The following DLG2 variants were observed in gnomAD, a reference collection of about 807,000 sequenced individuals.
DLG2 encodes the protein discs large MAGUK scaffold protein 2, also known as disks large homolog 2.
DLG2 carries 45 observed loss-of-function variants against 132.5 expected under a neutral mutation model. That is an observed-to-expected ratio of 0.34 (90% CI 0.27 to 0.44). DLG2 has a LOEUF of 0.44. Among genes scored for constraint, DLG2 ranks in the 20% least tolerant of loss-of-function variants. The pLI is 1.00. For missense variants in DLG2, 1,045 were observed against 1,196.9 expected (o/e 0.87, Z 1.87); for synonymous variants, 424 against 419.6 (o/e 1.01, Z -0.13).
At chr11:85,038,979 A>C (rs1275920745) in intron 6 of DLG2, among the ~76,000 whole-genome samples, 1 of 152,038 alleles carries the variant, frequency 6.6e-6, no homozygotes, top group African/African-American at 2.4e-5. Context: ...CTTCCATAAA[A>C]TTACTGTAAA....
In DLG2 at chr11:83,455,993, G is replaced by C. The variant is rs1231702722; in HGVS notation, c.*3825C>G. On this transcript the variant is annotated 3_prime_UTR_variant, in exon 28 of 28. Coordinates refer to ENST00000376104, the MANE Select transcript of DLG2 (RefSeq NM_001142699.3). ...CCAGCAAGTCCATTCAGTCTCACCA[G>C]AGCAATCACCAGCTGAAAAGCAGAG... The C allele has an allele frequency of 6.5e-6, 1 of 152,728 alleles. No homozygotes were observed. The highest frequency in any genetic ancestry group is 1.9e-4 in the East Asian group (1 of 5,190). 9.5% of individuals were successfully genotyped at this position (152,728 alleles called of 1,614,324 possible). A position where few individuals can be genotyped will look rare whatever the true frequency, so the allele number is the denominator to read the frequency against.
chr11:84,210,338 A>G (rs2096735577), intron 8 of DLG2, among the ~76,000 whole-genome samples: 1 of 143,190 alleles, frequency 7.0e-6, no homozygotes, highest in Admixed American at 7.5e-5. Flanking sequence ...TGTCCTGTAA[A>G]GATCACATGG....
intron 9 of DLG2, among the ~76,000 whole-genome samples, chr11:84,112,617 T>C (rs1275644215): frequency 6.6e-6 from 1 of 152,136 alleles, no homozygotes; most frequent in African/African-American, 2.4e-5. Flanking sequence ...TACTGTAGGT[T>C]CTCATTTGCT....
chr11:85,281,488 C>G (rs996349255), intron 4 of DLG2, among the ~76,000 whole-genome samples: 1 of 151,914 alleles, frequency 6.6e-6, no homozygotes, highest in African/African-American at 2.4e-5. Flanking sequence ...TTCAACAGAT[C>G]CAGGCAAAAG....
chr11:84,316,852 GC>G (rs2098362609), intron 7 of DLG2: 1 of 1,612,464 alleles, frequency 6.2e-7, no homozygotes, highest in South Asian at 1.1e-5. Context: ...AACCATGTGG[GC>G]AGGTACAATG....
chr11:84,161,586 C>T (rs554076921), intron 9 of DLG2, among the ~76,000 whole-genome samples: 1 of 152,260 alleles, frequency 6.6e-6, no homozygotes, highest in African/African-American at 2.4e-5. Flanking sequence ...AGTTGTCTGA[C>T]TCCTATTGAG....
At chr11:84,394,262 A>C (rs943242075) in intron 7 of DLG2, among the ~76,000 whole-genome samples, 1 of 151,696 alleles carries the variant, frequency 6.6e-6, no homozygotes, top group Non-Finnish European at 1.5e-5. Flanking sequence ...GCACTCTAGG[A>C]TCACTTTCCT....
intron 20 of DLG2, among the ~76,000 whole-genome samples, chr11:83,537,527 T>C (rs2095911564): frequency 6.6e-6 from 1 of 152,070 alleles, no homozygotes. Context: ...TAAGAGAGCA[T>C]GGGACAGCCA....
chr11:83,497,575 C>T (rs558709746), intron 21 of DLG2, among the ~76,000 whole-genome samples: 31 of 152,010 alleles, frequency 2.0e-4, no homozygotes, highest in Admixed American at 4.6e-4. Context: ...ACAAAACCCA[C>T]ATAGTTTCTT....
At chr11:85,583,789 C>G (rs545485222) in intron 3 of DLG2, among the ~76,000 whole-genome samples, 1 of 152,096 alleles carries the variant, frequency 6.6e-6, no homozygotes, top group African/African-American at 2.4e-5. Context: ...ATACCCAATA[C>G]CAAATTGGAA....
chr11:85,372,543 A>T (rs1398955018), intron 3 of DLG2, among the ~76,000 whole-genome samples: 1 of 152,234 alleles, frequency 6.6e-6, no homozygotes, highest in Non-Finnish European at 1.5e-5. Context: ...GTTAAAACAC[A>T]CAGTGCAGGT....
chr11:85,426,629 G>A (rs1035409971), intron 3 of DLG2, among the ~76,000 whole-genome samples: 3 of 152,030 alleles, frequency 2.0e-5, no homozygotes, highest in Admixed American at 6.6e-5. Flanking sequence ...CCATCTGTAC[G>A]TTACCATCAT....
At chr11:83,910,846 T>C (rs1341345139) in intron 15 of DLG2, among the ~76,000 whole-genome samples, 3 of 152,114 alleles carry the variant, frequency 2.0e-5, no homozygotes, top group African/African-American at 4.8e-5. Context: ...CACTGAACAT[T>C]TGAGAACCCA....
chr11:84,171,569 C>G (rs1454020), intron 8 of DLG2, among the ~76,000 whole-genome samples: 120,901 of 152,110 alleles, frequency 0.79, 48,377 homozygotes, highest in Middle Eastern at 0.89. Context: ...TTTTTTATGG[C>G]TGAATAGTAT....
At chr11:85,222,302 C>T (rs1174686914) in intron 4 of DLG2, among the ~76,000 whole-genome samples, 3 of 152,034 alleles carry the variant, frequency 2.0e-5, no homozygotes, top group Non-Finnish European at 4.4e-5. Flanking sequence ...ATAATATATC[C>T]TAAGTCATAG....
chr11:85,112,696 G>A (rs1264390169), intron 5 of DLG2, among the ~76,000 whole-genome samples: 2 of 152,000 alleles, frequency 1.3e-5, no homozygotes, highest in Non-Finnish European at 2.9e-5. Flanking sequence ...CTTTCTAGTG[G>A]AGAAAACAGA....
chr11:84,977,938 G>T (rs2055159168), intron 6 of DLG2, among the ~76,000 whole-genome samples: 1 of 152,126 alleles, frequency 6.6e-6, no homozygotes, highest in African/African-American at 2.4e-5. Context: ...AGGTACTGGA[G>T]AATTATGAAG....
At chr11:85,379,826 A>G (rs1298365750) in intron 3 of DLG2, among the ~76,000 whole-genome samples, 1 of 152,206 alleles carries the variant, frequency 6.6e-6, no homozygotes, top group African/African-American at 2.4e-5. Flanking sequence ...ACTCCCTCAA[A>G]TGCTAAATGG....
intron 4 of DLG2, among the ~76,000 whole-genome samples, chr11:85,155,754 C>A (rs2077546224): frequency 1.3e-5 from 2 of 151,744 alleles, no homozygotes; most frequent in African/African-American, 4.9e-5. Context: ...CCTGTAATCC[C>A]AGCTACTTGA....
Sources: allele counts gnomAD v4.1 joint callset (sites outside exome capture counted in the v4.1 genomes callset), GRCh38; gene constraint gnomAD v4.1.1; transcripts MANE v1.5; gene names NCBI Gene and HGNC (gene_info 2026-07-23, HGNC 2026-07-21).